Variants in KCNIP4 observed in about 807,000 individuals in gnomAD.
KCNIP4 encodes Kv channel-interacting protein 4.
In KCNIP4, 12 loss-of-function variants were observed where a neutral mutation model predicts 34.0. The observed-to-expected ratio is 0.35, with a 90% CI of 0.23 to 0.57. The LOEUF (loss-of-function observed/expected upper bound fraction) is 0.57. Ranked by LOEUF, KCNIP4 falls within the 20% of genes least tolerant of loss-of-function variation. The pLI is 0.83. For missense variants in KCNIP4, 238 were observed against 311.7 expected, an observed-to-expected ratio of 0.76 and a Z score of 1.78; for synonymous variants, 124 against 102.2, an observed-to-expected ratio of 1.21 and a Z score of -1.29.
At chr4:21,519,530 G>GTATGTGTATATACACAAATGTGTGTGTA (rs1560479910) in intron 1 of KCNIP4, among the ~76,000 whole-genome samples, 2 of 38,370 alleles carry the variant, frequency 5.2e-5, no homozygotes, top group Non-Finnish European at 4.7e-5. Context: ...ATGTGTGTAT[G>GTATGTGTATATACACAAATGTGTGTGTA]TGTATGTGTA....
intron 1 of KCNIP4, among the ~76,000 whole-genome samples, chr4:21,735,578 A>G (rs55820441): frequency 0.12 from 18,155 of 152,124 alleles, 3,697 homozygotes; most frequent in African/African-American, 0.41. Flanking sequence ...ATTTGCACTC[A>G]GGAGTTCAGC....
At chr4:21,611,553 C>T (rs757375743) in intron 1 of KCNIP4, among the ~76,000 whole-genome samples, 6 of 152,102 alleles carry the variant, frequency 3.9e-5, no homozygotes, top group Non-Finnish European at 8.8e-5. Flanking sequence ...TTAACAGTGT[C>T]GAATCTTGGT....
chr4:20,986,925 A>G (rs1487095876), intron 1 of KCNIP4, among the ~76,000 whole-genome samples: 1 of 124,780 alleles, frequency 8.0e-6, no homozygotes, highest in Non-Finnish European at 1.7e-5. Context: ...CATTTACCAC[A>G]TGCTTTCTGA....
chr4:20,790,156 T>C (rs1026747717), intron 3 of KCNIP4, among the ~76,000 whole-genome samples: 1 of 152,162 alleles, frequency 6.6e-6, no homozygotes, highest in African/African-American at 2.4e-5. Flanking sequence ...CTATAGGTAG[T>C]TGTCACAAAA....
At chr4:21,135,100 A>T (rs1397577871) in intron 1 of KCNIP4, among the ~76,000 whole-genome samples, 1 of 152,238 alleles carries the variant, frequency 6.6e-6, no homozygotes, top group East Asian at 1.9e-4. Context: ...GGGATCACTT[A>T]AGACAGTCTG....
chr4:21,674,902 A>G (rs1342490726), intron 1 of KCNIP4, among the ~76,000 whole-genome samples: 1 of 152,162 alleles, frequency 6.6e-6, no homozygotes, highest in East Asian at 1.9e-4. Flanking sequence ...TTTTAAATCA[A>G]ATATCTAATT....
chr4:21,848,382 A>G (rs534802268), intron 1 of KCNIP4: 1 of 152,248 alleles, frequency 6.6e-6, no homozygotes, highest in Non-Finnish European at 1.5e-5. Context: ...TCGCTCACCC[A>G]GCTGTGTGAC....
At chr4:21,343,664 C>G (rs997643269) in intron 1 of KCNIP4, among the ~76,000 whole-genome samples, 6 of 152,062 alleles carry the variant, frequency 3.9e-5, no homozygotes, top group African/African-American at 1.4e-4. Context: ...TGAGAATTAC[C>G]TAGGAATCAC....
intron 1 of KCNIP4, among the ~76,000 whole-genome samples, chr4:21,414,432 A>C (rs986905854): frequency 6.6e-6 from 1 of 152,200 alleles, no homozygotes; most frequent in Admixed American, 6.5e-5. Flanking sequence ...AAAACAAAAG[A>C]CAAGTGTTGA....
chr4:21,659,822 A>G (rs1289662440), intron 1 of KCNIP4, among the ~76,000 whole-genome samples: 1 of 152,072 alleles, frequency 6.6e-6, no homozygotes, highest in African/African-American at 2.4e-5. Flanking sequence ...CTGTGCTCTC[A>G]TTTATTTATT....
At chr4:20,983,703 C>G (rs1736313566) in intron 1 of KCNIP4, 1 of 831,390 alleles carries the variant, frequency 1.2e-6, no homozygotes, top group African/African-American at 1.7e-5. Context: ...GCCAAACATG[C>G]ATATTTTAAA....
chr4:21,871,776 C>T (rs976231332), intron 1 of KCNIP4, among the ~76,000 whole-genome samples: 1 of 130,200 alleles, frequency 7.7e-6, no homozygotes, highest in Admixed American at 7.7e-5. Context: ...CTCCCCCCAC[C>T]CACCCCCACC....
chr4:20,856,381 C>T (rs1721569616), intron 2 of KCNIP4, among the ~76,000 whole-genome samples: 1 of 152,150 alleles, frequency 6.6e-6, no homozygotes, highest in Non-Finnish European at 1.5e-5. Flanking sequence ...ATATAAGTGT[C>T]TCATTTCTGA....
At chr4:21,623,863 T>A (rs1745145828) in intron 1 of KCNIP4, among the ~76,000 whole-genome samples, 1 of 152,200 alleles carries the variant, frequency 6.6e-6, no homozygotes, top group Admixed American at 6.5e-5. Flanking sequence ...TTACCAGTAG[T>A]TCTTTCTTGT....
At chr4:21,574,097 C>T (rs1484966946) in intron 1 of KCNIP4, among the ~76,000 whole-genome samples, 28 of 152,178 alleles carry the variant, frequency 1.8e-4, no homozygotes, top group Non-Finnish European at 7.4e-5. Flanking sequence ...AAAATTCTAA[C>T]GACTGTAACA....
At chr4:21,464,960 A>G (rs1729786140) in intron 1 of KCNIP4, among the ~76,000 whole-genome samples, 1 of 152,112 alleles carries the variant, frequency 6.6e-6, no homozygotes, top group African/African-American at 2.4e-5. Flanking sequence ...GATTCAATAG[A>G]TCACTGTAGA....
chr4:21,501,246 TCTCA>T (rs1363769167), intron 1 of KCNIP4, among the ~76,000 whole-genome samples: 2,277 of 93,412 alleles, frequency 0.024, 49 homozygotes, highest in African/African-American at 0.066. Flanking sequence ...TCTCTCTCTC[TCTCA>T]CACACACACA....
intron 5 of KCNIP4, among the ~76,000 whole-genome samples, chr4:20,739,350 C>T (rs1396222913): frequency 6.6e-6 from 1 of 152,152 alleles, no homozygotes; most frequent in African/African-American, 2.4e-5. Flanking sequence ...AGACTGACAC[C>T]TCATACAGCC....
At chr4:20,763,469 G>A (rs1402478620) in intron 3 of KCNIP4, among the ~76,000 whole-genome samples, 2 of 152,152 alleles carry the variant, frequency 1.3e-5, no homozygotes, top group Admixed American at 6.6e-5. Context: ...AAAGAACGCT[G>A]AAAAGAGTAC....
Sources: gnomAD v4.1 joint callset for allele counts (sites outside exome capture counted in the v4.1 genomes callset) on GRCh38, gnomAD v4.1.1 for gene constraint, MANE v1.5 for transcripts, NCBI Gene and HGNC (gene_info 2026-07-23, HGNC 2026-07-21) for gene names.